The following ADRA1D variants were observed in gnomAD, a reference collection of about 807,000 sequenced individuals.
ADRA1D encodes the protein alpha-1D adrenergic receptor.
A neutral mutation model predicts 18.6 loss-of-function variants in ADRA1D; 22 were observed. The observed-to-expected ratio is 1.19, with a 90% CI of 0.85 to 1.69. The LOEUF (loss-of-function observed/expected upper bound fraction) is 1.69, where lower values mean the gene tolerates loss of function less well. Among genes scored for constraint, ADRA1D ranks in the 40% most tolerant of loss-of-function variants. The probability of loss-of-function intolerance (pLI) is 0.00; values close to 1 mark genes in which losing one functional copy is unlikely to be tolerated. For missense variants in ADRA1D, 840 were observed against 840.7 expected (o/e 1.00, Z 0.01); for synonymous variants, 376 against 388.2 (o/e 0.97, Z 0.37).
Position 4,234,308 on chromosome 20 carries a change from G to A in ADRA1D, c.1112-12178C>T, listed in dbSNP as rs989698695. ...GGACAGACGGCGCTGAAGTCAAGGGGCGGACTGTGTGATTAATAGCACTCT... is the reference window on the plus strand; with the variant it reads ...GGACAGACGGCGCTGAAGTCAAGGGACGGACTGTGTGATTAATAGCACTCT... On this transcript the variant is annotated intron_variant, in intron 1 of 1. Transcript: ENST00000379453. 3.9e-5 allele frequency among the ~76,000 whole-genome samples: 6 copies of A among 152,202 alleles called. 1 individual carries two copies. Among genetic ancestry groups the A allele is most frequent in the Non-Finnish European group, 8.8e-5 (6 of 68,032 alleles).
At chr20:4,230,363 A>G (rs1980924999) in intron 1 of ADRA1D, among the ~76,000 whole-genome samples, 1 of 152,182 alleles carries the variant, frequency 6.6e-6, no homozygotes, top group Admixed American at 6.5e-5. Flanking sequence ...GGTGCATAAC[A>G]CTTGCTGAGT....
At chr20:4,231,979 C>T (rs1304974977) in intron 1 of ADRA1D, among the ~76,000 whole-genome samples, 2 of 152,046 alleles carry the variant, frequency 1.3e-5, no homozygotes, top group Non-Finnish European at 2.9e-5. Flanking sequence ...ATGGCGTGAT[C>T]CTGGCTCACT....
chr20:4,221,664 C>T lies in ADRA1D; in HGVS notation c.1578G>A (p.Ala526=), dbSNP rs1008777396. ...GGGCGCACGCTGCCTCTGCGCGCTG[C>T]GCGCCCCCGGCGCGGATCTTGTGCG... ...SLSHKIRAGG[A]QRAEAACAQR... The change falls in exon 2 of 2, where the codon GCG becomes GCA. Residue 526 remains alanine (A), a synonymous_variant. Transcript: ENST00000379453. The T allele has an allele frequency of 3.1e-6, 5 of 1,612,736 alleles. No homozygotes were observed. Among genetic ancestry groups the T allele is most frequent in the Non-Finnish European group, 4.2e-6 (5 of 1,179,608 alleles).
At chr20:4,236,894 C>T (rs773790288) in intron 1 of ADRA1D, among the ~76,000 whole-genome samples, 3 of 152,218 alleles carry the variant, frequency 2.0e-5, no homozygotes, top group Non-Finnish European at 4.4e-5. Flanking sequence ...CTCCCTGAGC[C>T]TCCAGAGGAA....
chr20:4,221,821 G>T lies in ADRA1D; in HGVS notation c.1421C>A (p.Pro474His). 6.5e-7 allele frequency: 1 copy of T among 1,532,892 alleles called. No individual in the cohort carries two copies. Among genetic ancestry groups the T allele is most frequent in the Non-Finnish European group, 8.7e-7 (1 of 1,145,042 alleles). 95.0% of individuals were successfully genotyped at this position (1,532,892 alleles called of 1,614,324 possible). A position where few individuals can be genotyped will look rare whatever the true frequency, so the allele number is the denominator to read the frequency against. Residue 474 changes from proline to histidine, a missense_variant, in exon 2 of 2, where the codon CCC becomes CAC. Physicochemically the swap from Pro to His is moderately conservative, Grantham distance 77. Coordinates refer to ENST00000379453, the MANE Select transcript of ADRA1D (RefSeq NM_000678.4). ...LTALPDPDPE[P>H]PGTPEMQAPV... is the part of the protein sequence containing the mutation. ...AGCCTGCATCTCGGGCGTGCCTGGG[G>T]GTTCGGGGTCGGGGTCGGGGAGCGC...
At chr20:4,242,909 A>C (rs1356106578) in intron 1 of ADRA1D, among the ~76,000 whole-genome samples, 1 of 151,016 alleles carries the variant, frequency 6.6e-6, no homozygotes, top group Non-Finnish European at 1.5e-5. Context: ...CAGACAGTCC[A>C]CCTCTGGGCG....
rs2122652577 is a variant in ADRA1D at position 4,221,865 on chromosome 20, T to C, written c.1377A>G (p.Gly459=). The C allele has an allele frequency of 6.9e-7, 1 of 1,458,414 alleles. No homozygotes were observed. Among genetic ancestry groups the C allele is most frequent in the Middle Eastern group, 2.4e-4 (1 of 4,216 alleles). The allele number at this position is 1,458,414 out of a possible 1,614,324, so 90.3% of individuals were successfully genotyped here. Residue 459 remains glycine (G), a synonymous_variant, in exon 2 of 2, where the codon GGA becomes GGG. Coordinates refer to ENST00000379453, the MANE Select transcript of ADRA1D (RefSeq NM_000678.4). Reference sequence around the variant, plus strand: ...GGAGCGCGGTGAGGGCCAGCGGCGCTCCGGGGGGCGCGTCGCCCGAACTCG... The same window carrying C: ...GGAGCGCGGTGAGGGCCAGCGGCGCCCCGGGGGGCGCGTCGCCCGAACTCG... ...CAPSSGDAPP[G]APLALTALPD...
intron 1 of ADRA1D, among the ~76,000 whole-genome samples, chr20:4,242,820 G>A (rs4815676): frequency 0.21 from 31,629 of 152,046 alleles, 3,957 homozygotes; most frequent in Non-Finnish European, 0.27. Context: ...AAGCCTGGGA[G>A]CTGTGAGTGG....
intron 1 of ADRA1D, among the ~76,000 whole-genome samples, chr20:4,234,902 G>A (rs1029037427): frequency 2.0e-5 from 3 of 152,226 alleles, no homozygotes; most frequent in Admixed American, 2.0e-4. Context: ...CACCCGGGAA[G>A]TTAGGACCGC....
At chr20:4,228,018 A>G (rs1980864069) in intron 1 of ADRA1D, among the ~76,000 whole-genome samples, 2 of 152,018 alleles carry the variant, frequency 1.3e-5, no homozygotes, top group African/African-American at 4.8e-5. Flanking sequence ...AAGCCTGAGC[A>G]TTTCATTTCT....
rs1408155242 is a variant in ADRA1D at position 4,221,914 on chromosome 20, C to CTGGTGGAGGCCCGCCAG, written c.1311_1327dup (p.Ser443ThrfsTer108). On this transcript the variant is annotated frameshift_variant, in exon 2 of 2. Coordinates refer to ENST00000379453, the MANE Select transcript of ADRA1D (RefSeq NM_000678.4). LOFTEE classifies it low-confidence loss of function (END_TRUNC). ...CGGGGCGCAGTCCTGGCGCAGGCCGCTGGTGGAGGCCCGCCAGTGGTGGCC... is the reference window on the plus strand; with the variant it reads ...CGGGGCGCAGTCCTGGCGCAGGCCGCTGGTGGAGGCCCGCCAGTGGTGGAGGCCCGCCAGTGGTGGCC... 9 of 1,527,124 alleles carry CTGGTGGAGGCCCGCCAG rather than the reference C, an allele frequency of 5.9e-6. No homozygotes were observed. Among genetic ancestry groups the CTGGTGGAGGCCCGCCAG allele is most frequent in the Non-Finnish European group, 7.9e-6 (9 of 1,139,112 alleles). 94.6% of individuals were successfully genotyped at this position (1,527,124 alleles called of 1,614,324 possible).
chr20:4,223,136 T>A (rs1457333905), intron 1 of ADRA1D, among the ~76,000 whole-genome samples: 1 of 151,672 alleles, frequency 6.6e-6, no homozygotes, highest in Non-Finnish European at 1.5e-5. Context: ...TTATTTTTGA[T>A]AAAGGTACAA....
chr20:4,241,163 T>C (rs1037008993), intron 1 of ADRA1D, among the ~76,000 whole-genome samples: 3 of 152,156 alleles, frequency 2.0e-5, no homozygotes, highest in Non-Finnish European at 2.9e-5. Context: ...GGAGAAATAC[T>C]GCATGATTCC....
At chr20:4,231,439 ATGTTTTTGC>A (rs1980968802) in intron 1 of ADRA1D, among the ~76,000 whole-genome samples, 1 of 151,994 alleles carries the variant, frequency 6.6e-6, no homozygotes, top group African/African-American at 2.4e-5. Context: ...TCTAAAAGGC[ATGTTTTTGC>A]ACTGTCCAAT....
At position 4,239,728 on chromosome 20, in the gene ADRA1D, C is replaced by T. The variant is rs1981171443; in HGVS notation, c.1111+8119G>A. On this transcript the variant is annotated intron_variant, in intron 1 of 1. Transcript: ENST00000379453. This position sits in a 1 kb window ranked among gnomAD's most constrained non-coding sequence, Gnocchi z 4.9. ...GGATGTCTAAAAATAATGACATTAC[C>T]ATGGTACTCAAACAGCCTCAGTGGT... Among the ~76,000 whole-genome samples the T allele has an allele frequency of 6.6e-6, 1 of 152,298 alleles. No homozygotes were observed. The highest frequency in any genetic ancestry group is 2.1e-4 in the South Asian group (1 of 4,820).
intron 1 of ADRA1D, among the ~76,000 whole-genome samples, chr20:4,245,837 C>T (rs1201400495): frequency 3.3e-5 from 5 of 152,178 alleles, no homozygotes; most frequent in African/African-American, 1.2e-4. Flanking sequence ...ACTTTCTCTT[C>T]CCTGCTTACT....
chr20:4,243,286 C>T (rs768609898), intron 1 of ADRA1D, among the ~76,000 whole-genome samples: 1 of 152,160 alleles, frequency 6.6e-6, no homozygotes, highest in Non-Finnish European at 1.5e-5. Flanking sequence ...TCTGGAAGTC[C>T]GCAGGCAGCA....
rs920097172 is a variant in ADRA1D, at chr20:4,221,242, C to T, written c.*281G>A. On this transcript the variant is annotated 3_prime_UTR_variant, in exon 2 of 2. Transcript: ENST00000379453. The stretch of plus-strand genomic sequence containing the variant: ...GCATGGAGGATGGGGCAGTGTTTCT[C>T]AAATAGGGATTGGGAGCAAAAGGCC... 7 of 347,854 alleles carry T rather than the reference C, an allele frequency of 2.0e-5. No homozygotes were observed. The highest frequency in any genetic ancestry group is 3.6e-5 in the Non-Finnish European group (7 of 193,210). 21.5% of individuals were successfully genotyped at this position (347,854 alleles called of 1,614,324 possible).
intron 1 of ADRA1D, among the ~76,000 whole-genome samples, chr20:4,226,314 T>C (rs1980798963): frequency 6.6e-6 from 1 of 152,248 alleles, no homozygotes; most frequent in Admixed American, 6.5e-5. Context: ...TGTATCCTGT[T>C]GAGGTTTTGT....
Sources: gnomAD v4.1 joint callset for allele counts (sites outside exome capture counted in the v4.1 genomes callset) on GRCh38, gnomAD v4.1.1 for gene constraint, Gnocchi (gnomAD v3.1) non-coding constraint, MANE v1.5 for transcripts, NCBI Gene and HGNC (gene_info 2026-07-23, HGNC 2026-07-21) for gene names.